Variants in EVI5 observed in about 807,000 individuals in gnomAD.
The protein encoded by EVI5 is ecotropic viral integration site 5, also known as ecotropic viral integration site 5 protein homolog.
In EVI5, 73 loss-of-function variants were observed where a neutral mutation model predicts 112.0. The observed-to-expected ratio is 0.65, with a 90% CI of 0.54 to 0.79. The LOEUF (loss-of-function observed/expected upper bound fraction) is 0.79, where lower values mean the gene tolerates loss of function less well. EVI5 is among the 30% of genes least tolerant of loss of function. The pLI is 0.00. For missense variants in EVI5, 900 were observed against 968.8 expected, an observed-to-expected ratio of 0.93 and a Z score of 0.94; for synonymous variants, 305 against 319.9, an observed-to-expected ratio of 0.95 and a Z score of 0.50.
chr1:92,722,618 AG>A (rs972604776), intron 2 of EVI5, among the ~76,000 whole-genome samples: 15 of 152,056 alleles, frequency 9.9e-5, no homozygotes, highest in African/African-American at 3.6e-4. Context: ...TCTATTTAAT[AG>A]TCCCTTTCAT....
intron 19 of EVI5, among the ~76,000 whole-genome samples, chr1:92,520,914 GCTT>G (rs962458743): frequency 9.3e-5 from 14 of 150,494 alleles, no homozygotes; most frequent in Non-Finnish European, 1.9e-4. Flanking sequence ...GTATGAGATT[GCTT>G]CTTCTTCTTT....
chr1:92,624,689 C>CAAAAA (rs141559165), intron 15 of EVI5, among the ~76,000 whole-genome samples: 20 of 51,766 alleles, frequency 3.9e-4, no homozygotes, highest in Non-Finnish European at 5.2e-4. Context: ...GTCTCTACTT[C>CAAAAA]AAAAAAAAAA....
chr1:92,623,977 T>C (rs1200402553), intron 16 of EVI5, among the ~76,000 whole-genome samples, 199 bp downstream of exon 16: 1 of 152,244 alleles, frequency 6.6e-6, no homozygotes, highest in Non-Finnish European at 1.5e-5. Context: ...TTGAACTTTG[T>C]TGAATGGGTC....
rs976208014 is a variant in EVI5 at position 92,609,374 on chromosome 1, T to C, written c.1828-1647A>G. Reference sequence around the variant, plus strand: ...GTCATGTAATTTCATTTCATTTTTTTTTTGAGACAGTCTCACTTTGTTGCT... The same window carrying C: ...GTCATGTAATTTCATTTCATTTTTTCTTTGAGACAGTCTCACTTTGTTGCT... On this transcript the variant is annotated intron_variant, in intron 16 of 19. Coordinates refer to ENST00000684568, the MANE Select transcript of EVI5 (RefSeq NM_001350197.2). Among the ~76,000 whole-genome samples the C allele has an allele frequency of 2.4e-4, 24 of 98,184 alleles. No homozygotes were observed. In the Middle Eastern group the frequency reaches 0.024, roughly 99 times the overall value. The allele number at this position is 98,184 out of a possible 152,430, so 64.4% of individuals were successfully genotyped here. A position where few individuals can be genotyped will look rare whatever the true frequency, so the allele number is the denominator to read the frequency against.
intron 2 of EVI5, among the ~76,000 whole-genome samples, chr1:92,719,357 T>G (rs1202396045): frequency 1.3e-5 from 2 of 152,034 alleles, no homozygotes; most frequent in African/African-American, 4.8e-5. Context: ...TATGACAAAG[T>G]GGCCTTCATC....
chr1:92,605,144 TG>T (rs1241126847), intron 18 of EVI5, among the ~76,000 whole-genome samples, 162 bp downstream of exon 18: 1 of 152,130 alleles, frequency 6.6e-6, no homozygotes, highest in Non-Finnish European at 1.5e-5. Context: ...TACTTTAAAA[TG>T]GTAAGTTTTA....
chr1:92,662,957 TAA>T (rs11411366), intron 12 of EVI5, 92 bp from the exon 13 acceptor site: 478 of 305,354 alleles, frequency 1.6e-3, no homozygotes, highest in Non-Finnish European at 1.8e-3. Context: ...TTTGACATGT[TAA>T]AAAAAAAAAA....
At chr1:92,527,456 GA>G (rs973162335) in intron 19 of EVI5, among the ~76,000 whole-genome samples, 12 of 142,644 alleles carry the variant, frequency 8.4e-5, no homozygotes, top group East Asian at 2.0e-4. Flanking sequence ...TAAAAGAAAA[GA>G]AAAAAAAAGT....
intron 18 of EVI5, among the ~76,000 whole-genome samples, chr1:92,568,576 C>G (rs776794390): frequency 2.6e-5 from 4 of 152,032 alleles, no homozygotes; most frequent in African/African-American, 7.2e-5. Context: ...AGAGTACTAC[C>G]AGGTACCATC....
intron 13 of EVI5, among the ~76,000 whole-genome samples, chr1:92,655,198 G>GGA (rs1199676720): frequency 2.8e-5 from 4 of 143,418 alleles, no homozygotes; most frequent in African/African-American, 1.0e-4. Context: ...CAACATGAAG[G>GGA]AAAAAAAAAA....
At chr1:92,684,076 G>C (rs1045109893) in intron 9 of EVI5, among the ~76,000 whole-genome samples, 3 of 152,110 alleles carry the variant, frequency 2.0e-5, no homozygotes, top group African/African-American at 7.2e-5. Flanking sequence ...TCCTCGAGAA[G>C]AGCAATCCCA....
chr1:92,674,295 T>C (rs1666356245), intron 10 of EVI5, among the ~76,000 whole-genome samples: 1 of 151,904 alleles, frequency 6.6e-6, no homozygotes, highest in South Asian at 2.1e-4. Flanking sequence ...CAAATGCCCA[T>C]CAATGATAGA....
intron 10 of EVI5, among the ~76,000 whole-genome samples, chr1:92,666,694 G>T (rs1664966862): frequency 6.6e-6 from 1 of 151,604 alleles, no homozygotes; most frequent in Admixed American, 6.6e-5. Flanking sequence ...AAAGGAAAGG[G>T]ATAAAGAAAG....
At chr1:92,759,615 T>C (rs1681488027) in intron 1 of EVI5, among the ~76,000 whole-genome samples, 1 of 152,204 alleles carries the variant, frequency 6.6e-6, no homozygotes, top group South Asian at 2.1e-4. Context: ...ACTATATCCA[T>C]TTCCCTTTCT....
chr1:92,756,681 A>G, intron 1 of EVI5: 1 of 500,758 alleles, frequency 2.0e-6, no homozygotes, highest in Non-Finnish European at 4.1e-6. Flanking sequence ...AGCATGTCAA[A>G]CAGTCACATA....
At chr1:92,520,964 C>CA (rs1660825479) in intron 19 of EVI5, among the ~76,000 whole-genome samples, 1 of 142,280 alleles carries the variant, frequency 7.0e-6, no homozygotes, top group Non-Finnish European at 1.5e-5. Context: ...GCTGCTTCTT[C>CA]TTTTTTTTTT....
At chr1:92,529,622 A>T (rs1343495955) in intron 19 of EVI5, among the ~76,000 whole-genome samples, 2 of 152,230 alleles carry the variant, frequency 1.3e-5, no homozygotes, top group African/African-American at 4.8e-5. Context: ...GGTGATTAAT[A>T]AAACAATCAA....
At chr1:92,659,771 G>A (rs1663657276) in intron 13 of EVI5, among the ~76,000 whole-genome samples, 1 of 151,876 alleles carries the variant, frequency 6.6e-6, no homozygotes, top group African/African-American at 2.4e-5. Context: ...TTATATCAAA[G>A]ATACCTGTAC....
chr1:92,649,166 A>G (rs138955929), intron 13 of EVI5, among the ~76,000 whole-genome samples: 45 of 152,280 alleles, frequency 3.0e-4, no homozygotes, highest in Non-Finnish European at 5.4e-4. Context: ...GGCCATCTGC[A>G]TATCTTCTTT....
Sources: allele counts gnomAD v4.1 joint callset (sites outside exome capture counted in the v4.1 genomes callset), GRCh38; gene constraint gnomAD v4.1.1; transcripts MANE v1.5; gene names NCBI Gene and HGNC (gene_info 2026-07-23, HGNC 2026-07-21).